The following NALCN variants were observed in gnomAD, a reference collection of about 807,000 sequenced individuals.
The protein encoded by NALCN is sodium leak channel, non-selective, also known as sodium leak channel NALCN.
Under a neutral mutation model 225.3 loss-of-function variants are expected in NALCN, and 111 were observed. The observed-to-expected ratio is 0.49, with a 90% CI of 0.42 to 0.58. NALCN has a LOEUF of 0.58. NALCN is among the 20% of genes least tolerant of loss of function. The pLI is 0.00. For synonymous variants in NALCN, 764 were observed against 769.0 expected (o/e 0.99, Z 0.11); for missense variants, 1,378 against 2,202.4 (o/e 0.63, Z 7.49).
At chr13:101,159,421 G>A (rs987289497) in intron 15 of NALCN, among the ~76,000 whole-genome samples, 1 of 152,134 alleles carries the variant, frequency 6.6e-6, no homozygotes. Context: ...GCCCCCTCCG[G>A]GTGGTTACTA....
chr13:101,062,014 T>A lies in NALCN; in HGVS notation c.4709A>T (p.Gln1570Leu), dbSNP rs2139408532. 3 of 1,614,166 alleles carry A rather than the reference T, an allele frequency of 1.9e-6. No homozygotes were observed. Among genetic ancestry groups the A allele is most frequent in the Non-Finnish European group, 2.5e-6 (3 of 1,180,010 alleles). The change falls in exon 41 of 44, where the codon CAG becomes CTG. Residue 1570 changes from glutamine (Q) to leucine (L), a missense_variant. Physicochemically the swap from Gln to Leu is moderately radical, Grantham distance 113. Transcript: ENST00000251127. ...CTTCTTGAGCCACATGCGGATGGTCTGCTTGGCCACCTCCTCCTCTATGGT... is the reference window on the plus strand; with the variant it reads ...CTTCTTGAGCCACATGCGGATGGTCAGCTTGGCCACCTCCTCCTCTATGGT... ...EYTIEEEVAK[Q>L]TIRMWLKKCL...
At position 101,292,699 on chromosome 13, in the gene NALCN, T is replaced by C. The variant is rs1472972672; in HGVS notation, c.800-333A>G. Among the ~76,000 whole-genome samples the C allele has an allele frequency of 6.6e-6, 1 of 152,206 alleles. No homozygotes were observed. Among genetic ancestry groups the C allele is most frequent in the Non-Finnish European group, 1.5e-5 (1 of 68,028 alleles). ...ATAATTAAAAAAAGGATATGTACCATTTAAGCTTGCCACTTGGAGCCTAAC... is the reference window on the plus strand; with the variant it reads ...ATAATTAAAAAAAGGATATGTACCACTTAAGCTTGCCACTTGGAGCCTAAC... On this transcript the variant is annotated intron_variant, in intron 7 of 43. Transcript: ENST00000251127. The surrounding 1 kb of genome is among the most constrained non-coding windows in gnomAD (Gnocchi z 4.3).
At chr13:101,375,852 A>G (rs12428115) in intron 6 of NALCN, among the ~76,000 whole-genome samples, 32,634 of 151,896 alleles carry the variant, frequency 0.21, 3,648 homozygotes, top group Non-Finnish European at 0.24. Context: ...CCCAAACTCT[A>G]TATCTAGCTA....
At chr13:101,278,290 C>T (rs547481581) in intron 10 of NALCN, among the ~76,000 whole-genome samples, 74 of 151,960 alleles carry the variant, frequency 4.9e-4, no homozygotes, top group African/African-American at 1.4e-3. Context: ...TTTGGGAGGC[C>T]GAGGTGGGCG....
chr13:101,347,126 C>A (rs2045763932), intron 6 of NALCN, among the ~76,000 whole-genome samples: 1 of 146,142 alleles, frequency 6.8e-6, no homozygotes, highest in African/African-American at 2.6e-5. Flanking sequence ...CGCATACACA[C>A]ACGTACATAG....
At chr13:101,279,745 A>G (rs2043088475) in intron 10 of NALCN, among the ~76,000 whole-genome samples, 1 of 149,084 alleles carries the variant, frequency 6.7e-6, no homozygotes, top group Non-Finnish European at 1.5e-5. Context: ...TGAACCCGGG[A>G]GGCGGAGCTT....
intron 13 of NALCN, among the ~76,000 whole-genome samples, chr13:101,198,675 A>C (rs2039988553): frequency 6.6e-6 from 1 of 152,184 alleles, no homozygotes; most frequent in Non-Finnish European, 1.5e-5. Flanking sequence ...AAATACGAAC[A>C]CTTTTACACT....
intron 6 of NALCN, among the ~76,000 whole-genome samples, chr13:101,369,484 C>T (rs1005833834): frequency 4.7e-4 from 71 of 152,222 alleles, no homozygotes; most frequent in African/African-American, 1.7e-3. Context: ...AGAAGACATT[C>T]GTGTATCTGT....
chr13:101,249,184 G>A (rs887986303), intron 11 of NALCN, among the ~76,000 whole-genome samples: 2 of 152,140 alleles, frequency 1.3e-5, no homozygotes, highest in Admixed American at 1.3e-4. Context: ...AATCCTGAGA[G>A]AAAACTGTGG....
rs767899309 is a variant in NALCN, at chr13:101,346,057, T to TTCTCTCTCTCTCTCTCTCTCTCTCTCTC, written c.645-665_645-638dup. ...TATATATATGAGACCTTGAGAGACT[T>TTCTCTCTCTCTCTCTCTCTCTCTCTCTC]TCTCTCTCTCTCTCTCTCTCTCTCT... On this transcript the variant is annotated intron_variant, in intron 6 of 43. Coordinates refer to ENST00000251127, the MANE Select transcript of NALCN (RefSeq NM_052867.4). Among the ~76,000 whole-genome samples, 20 of 75,538 alleles carry TTCTCTCTCTCTCTCTCTCTCTCTCTCTC rather than the reference T, an allele frequency of 2.6e-4. 1 individual carries two copies. Among genetic ancestry groups the TTCTCTCTCTCTCTCTCTCTCTCTCTCTC allele is most frequent in the Non-Finnish European group, 5.1e-4 (20 of 39,540 alleles). The allele number at this position is 75,538 out of a possible 152,430, so 49.6% of individuals were successfully genotyped here. A position where few individuals can be genotyped will look rare whatever the true frequency, so the allele number is the denominator to read the frequency against.
rs118103739 is a variant in NALCN at position 101,060,891 on chromosome 13, A to G, written c.4756-924T>C. Among the ~76,000 whole-genome samples the G allele has an allele frequency of 2.3e-3, 353 of 152,326 alleles. 4 individuals carry two copies. The highest frequency in any genetic ancestry group is 4.9e-3 in the Admixed American group (75 of 15,304). ...AACATAGCTACAGTGGCCAGCAGTG[A>G]TGGGACATCACTGGGCAGCTGGCCT... On this transcript the variant is annotated intron_variant, in intron 41 of 43. Transcript: ENST00000251127.
intron 12 of NALCN, among the ~76,000 whole-genome samples, chr13:101,230,662 C>T (rs561066563): frequency 1.6e-4 from 25 of 152,302 alleles, no homozygotes; most frequent in African/African-American, 4.6e-4. Context: ...GCATAGAATA[C>T]GACAGGTCCT....
intron 10 of NALCN, among the ~76,000 whole-genome samples, chr13:101,260,665 T>C (rs1188117065): frequency 6.6e-6 from 1 of 152,226 alleles, no homozygotes; most frequent in African/African-American, 2.4e-5. Flanking sequence ...GTCATTTGTA[T>C]GTCTTCTTTT....
intron 15 of NALCN, 126 bp from the exon 16 acceptor site, chr13:101,145,022 G>A: frequency 9.7e-7 from 1 of 1,030,110 alleles, no homozygotes; most frequent in Non-Finnish European, 1.3e-6. Context: ...TGGCAGCAAA[G>A]GCCTACCAAG....
chr13:101,407,810 C>G (rs1304172969), intron 1 of NALCN, among the ~76,000 whole-genome samples: 1 of 152,114 alleles, frequency 6.6e-6, no homozygotes, highest in Non-Finnish European at 1.5e-5. Flanking sequence ...TTCACAAACA[C>G]GAACTTCTGT....
At chr13:101,274,599 G>A (rs1347723364) in intron 10 of NALCN, among the ~76,000 whole-genome samples, 2 of 152,046 alleles carry the variant, frequency 1.3e-5, no homozygotes, top group Non-Finnish European at 2.9e-5. Context: ...TTTTATCTGT[G>A]TTTCTAAATT....
chr13:101,119,381 T>C (rs2035863856), intron 18 of NALCN, among the ~76,000 whole-genome samples: 1 of 152,182 alleles, frequency 6.6e-6, no homozygotes, highest in Non-Finnish European at 1.5e-5. Context: ...TATAAGTGCA[T>C]GGCAAAGAAA....
At chr13:101,270,744 A>G (rs895042272) in intron 10 of NALCN, among the ~76,000 whole-genome samples, 18 of 152,324 alleles carry the variant, frequency 1.2e-4, no homozygotes, top group African/African-American at 3.8e-4. Flanking sequence ...TTGCTGCTCC[A>G]AACCCTTCTA....
chr13:101,277,027 C>T (rs953715558), intron 10 of NALCN, among the ~76,000 whole-genome samples: 3 of 151,550 alleles, frequency 2.0e-5, no homozygotes, highest in Non-Finnish European at 2.9e-5. Context: ...TATATAAAAA[C>T]GTGTGTATAT....
Sources: gnomAD v4.1 joint callset for allele counts (sites outside exome capture counted in the v4.1 genomes callset) on GRCh38, gnomAD v4.1.1 for gene constraint, Gnocchi (gnomAD v3.1) non-coding constraint, MANE v1.5 for transcripts, NCBI Gene and HGNC (gene_info 2026-07-23, HGNC 2026-07-21) for gene names.